LRRFIP1: variants seen among roughly 807,000 people sequenced by gnomAD.
The protein encoded by LRRFIP1 is LRR binding FLII interacting protein 1.
Under a neutral mutation model 104.4 loss-of-function variants are expected in LRRFIP1, and 62 were observed. The ratio of observed to expected loss-of-function variants is 0.59; its 90% confidence interval spans 0.48 to 0.73. The LOEUF (loss-of-function observed/expected upper bound fraction) is 0.73, where lower values mean the gene tolerates loss of function less well. Among genes scored for constraint, LRRFIP1 ranks in the 30% least tolerant of loss-of-function variants. LRRFIP1 has a pLI of 0.00. For synonymous variants in LRRFIP1, 300 were observed against 299.0 expected, an observed-to-expected ratio of 1.00 and a Z score of -0.03; for missense variants, 796 against 824.5, an observed-to-expected ratio of 0.97 and a Z score of 0.42.
At chr2:237,648,348 A>G (rs2085315149) in intron 1 of LRRFIP1, among the ~76,000 whole-genome samples, 1 of 151,876 alleles carries the variant, frequency 6.6e-6, no homozygotes, top group Non-Finnish European at 1.5e-5. Context: ...TCCCTATTTT[A>G]GGGATTGTTC....
In LRRFIP1 at chr2:237,627,711, G is replaced by A. The variant is rs1193896836; in HGVS notation, c.67G>A (p.Asp23Asn). 2.2e-6 allele frequency: 3 copies of A among 1,365,490 alleles called. No homozygotes were observed. Among genetic ancestry groups the A allele is most frequent in the South Asian group, 3.0e-5 (2 of 65,638 alleles). The allele number at this position is 1,365,490 out of a possible 1,614,324, so 84.6% of individuals were successfully genotyped here. A position where few individuals can be genotyped will look rare whatever the true frequency, so the allele number is the denominator to read the frequency against. The stretch of plus-strand genomic sequence containing the variant: ...CAACCGGGAGCGGCTCACGGCGGAG[G>A]ACGACGCGCTCAACCAGATCGCGCG... Reference protein sequence around the residue: ...LPNRERLTAEDDALNQIAREA... With the variant: ...LPNRERLTAENDALNQIAREA... Residue 23 changes from aspartate (D) to asparagine (N), a missense_variant, in exon 1 of 24, where the codon GAC (aspartate) becomes AAC (asparagine). Physicochemically the swap from Asp to Asn is conservative, Grantham distance 23. Transcript: ENST00000308482.
chr2:237,689,777 A>G (rs560290239), intron 1 of LRRFIP1, among the ~76,000 whole-genome samples: 7 of 152,210 alleles, frequency 4.6e-5, no homozygotes, highest in African/African-American at 1.7e-4. Flanking sequence ...TCTATCTGGA[A>G]AAGAGGGGAC....
At chr2:237,642,943 C>T (rs771482501) in intron 1 of LRRFIP1, among the ~76,000 whole-genome samples, 4 of 152,222 alleles carry the variant, frequency 2.6e-5, no homozygotes, top group Non-Finnish European at 4.4e-5. Context: ...GGGCCAAGTC[C>T]GCCCCCGTTT....
intron 6 of LRRFIP1, among the ~76,000 whole-genome samples, chr2:237,722,735 A>C (rs2094576583): frequency 6.6e-6 from 1 of 152,302 alleles, no homozygotes; most frequent in Admixed American, 6.5e-5. Flanking sequence ...CCTAATGTTT[A>C]TAGGCACCAA....
chr2:237,740,473 C>T (rs74466346), intron 11 of LRRFIP1, among the ~76,000 whole-genome samples: 2,511 of 152,174 alleles, frequency 0.017, 76 homozygotes, highest in African/African-American at 0.057. Context: ...AAATGTGGCT[C>T]TTAAGTTAGT....
chr2:237,751,286 A>G lies in LRRFIP1; in HGVS notation c.867+15A>G, dbSNP rs2058595374. Reference sequence around the variant, plus strand: ...AAGAGATGAAGGTACCAATTCACAGACGTGTGGTCTCACGATATTAACCCA... The same window carrying G: ...AAGAGATGAAGGTACCAATTCACAGGCGTGTGGTCTCACGATATTAACCCA... On this transcript the variant is annotated intron_variant, in intron 14 of 23. Transcript: ENST00000308482. The G allele has an allele frequency of 1.3e-6, 2 of 1,587,666 alleles. No homozygotes were observed. The highest frequency in any genetic ancestry group is 1.7e-4 in the Middle Eastern group (1 of 6,004).
At chr2:237,745,949 TA>T (rs3841864) in intron 11 of LRRFIP1, among the ~76,000 whole-genome samples, 18,966 of 152,152 alleles carry the variant, frequency 0.12, 1,526 homozygotes, top group African/African-American at 0.22. Context: ...CTCTAAGGAA[TA>T]AAAGGCTTTG....
chr2:237,730,777 G>T (rs115546307), intron 8 of LRRFIP1, among the ~76,000 whole-genome samples: 4,115 of 152,242 alleles, frequency 0.027, 61 homozygotes, highest in Middle Eastern at 0.088. Context: ...AATTAGCTAG[G>T]TGCGGTGGCA....
chr2:237,703,084 A>T lies in LRRFIP1; in HGVS notation c.97-5460A>T, dbSNP rs1205675912. ...GGGTGGGGACAGACCAGCCCCCATGAACCCTAGCGAGGGCCATGCCAAGAA... is the reference window on the plus strand; with the variant it reads ...GGGTGGGGACAGACCAGCCCCCATGTACCCTAGCGAGGGCCATGCCAAGAA... On this transcript the variant is annotated intron_variant, in intron 1 of 23. Coordinates refer to ENST00000308482, the MANE Select transcript of LRRFIP1 (RefSeq NM_001137550.2). The surrounding 1 kb of genome is among the most constrained non-coding windows in gnomAD (Gnocchi z 4.3). Among the ~76,000 whole-genome samples the T allele has an allele frequency of 6.6e-6, 1 of 152,270 alleles. No individual in the cohort carries two copies. The highest frequency in any genetic ancestry group is 1.9e-4 in the East Asian group (1 of 5,182).
chr2:237,761,396 A>T (rs1156355087), intron 19 of LRRFIP1, among the ~76,000 whole-genome samples: 1 of 152,248 alleles, frequency 6.6e-6, no homozygotes, highest in Non-Finnish European at 1.5e-5. Context: ...GTTGTTGAGA[A>T]AAGATAAATT....
intron 1 of LRRFIP1, among the ~76,000 whole-genome samples, chr2:237,687,577 A>G (rs977759084): frequency 7.1e-6 from 1 of 141,152 alleles, no homozygotes; most frequent in Non-Finnish European, 1.5e-5. Context: ...GCACTCCAGC[A>G]TGGGTAACAG....
intron 1 of LRRFIP1, among the ~76,000 whole-genome samples, chr2:237,642,625 A>G (rs1214546539): frequency 1.3e-5 from 2 of 150,618 alleles, no homozygotes; most frequent in Non-Finnish European, 3.0e-5. Context: ...TCCCAGTTCT[A>G]GGTTCCAGAC....
At chr2:237,758,223 A>AGTGTGTGTGTGTGTGTGTGTGT (rs138141222) in intron 17 of LRRFIP1, among the ~76,000 whole-genome samples, 1 of 149,632 alleles carries the variant, frequency 6.7e-6, no homozygotes, top group East Asian at 2.0e-4. Flanking sequence ...AGCACTTAGG[A>AGTGTGTGTGTGTGTGTGTGTGT]GTGTGTGTGT....
intron 11 of LRRFIP1, among the ~76,000 whole-genome samples, chr2:237,743,159 C>G (rs11684056): frequency 0.068 from 10,381 of 152,174 alleles, 455 homozygotes; most frequent in Middle Eastern, 0.13. Context: ...GACACGTATC[C>G]AGGGCCAGTA....
intron 11 of LRRFIP1, among the ~76,000 whole-genome samples, chr2:237,739,796 A>G (rs908391040): frequency 6.6e-6 from 1 of 152,114 alleles, no homozygotes; most frequent in African/African-American, 2.4e-5. Flanking sequence ...AGAAAATAGG[A>G]GCCCTATTAG....
intron 17 of LRRFIP1, 80 bp from the exon 18 acceptor site, chr2:237,758,646 GCCT>G (rs1337220423): frequency 3.4e-6 from 3 of 876,358 alleles, no homozygotes; most frequent in Non-Finnish European, 5.6e-6. Flanking sequence ...GATGGTAGAA[GCCT>G]CCTTCTGGTT....
chr2:237,751,551 A>C (rs1015760684), intron 14 of LRRFIP1, among the ~76,000 whole-genome samples: 5 of 152,190 alleles, frequency 3.3e-5, no homozygotes, highest in Non-Finnish European at 7.4e-5. Flanking sequence ...CCCCAGGCTT[A>C]AAACCAGTTT....
At chr2:237,702,569 G>C (rs1421165952) in intron 1 of LRRFIP1, among the ~76,000 whole-genome samples, 1 of 152,214 alleles carries the variant, frequency 6.6e-6, no homozygotes, top group African/African-American at 2.4e-5. Context: ...GGACACGGTG[G>C]GGGCAGCGCT....
In LRRFIP1 at chr2:237,661,555, G is replaced by A. The variant is rs534220470; in HGVS notation, c.96+33815G>A. 1.2e-4 allele frequency among the ~76,000 whole-genome samples: 18 copies of A among 152,250 alleles called. No homozygotes were observed. Among genetic ancestry groups the A allele is most frequent in the African/African-American group, 4.1e-4 (17 of 41,536 alleles). ...GGTTCACCTTCTGTTCCTGCCCAGG[G>A]CAAACTGCCCTATGTGCATCTCTGT... On this transcript the variant is annotated intron_variant, in intron 1 of 23. Coordinates refer to ENST00000308482, the MANE Select transcript of LRRFIP1 (RefSeq NM_001137550.2). The surrounding 1 kb of genome is among the most constrained non-coding windows in gnomAD (Gnocchi z 4.4).
Sources: gnomAD v4.1 joint callset for allele counts (sites outside exome capture counted in the v4.1 genomes callset) on GRCh38, gnomAD v4.1.1 for gene constraint, Gnocchi (gnomAD v3.1) non-coding constraint, MANE v1.5 for transcripts, NCBI Gene and HGNC (gene_info 2026-07-23, HGNC 2026-07-21) for gene names.